Variants in TRIO observed in about 807,000 individuals in gnomAD.
TRIO encodes trio Rho guanine nucleotide exchange factor.
Under a neutral mutation model 351.9 loss-of-function variants are expected in TRIO, and 58 were observed. That is an observed-to-expected ratio of 0.16 (90% confidence interval 0.13 to 0.21). The LOEUF (loss-of-function observed/expected upper bound fraction) is 0.21. Among genes scored for constraint, TRIO ranks in the 10% least tolerant of loss-of-function variants. The pLI, the probability that TRIO is intolerant of heterozygous loss-of-function variation, is 1.00. For synonymous variants in TRIO, 1,758 were observed against 1,595.7 expected, an observed-to-expected ratio of 1.10 and a Z score of -2.42; for missense variants, 3,201 against 4,027.8, an observed-to-expected ratio of 0.79 and a Z score of 5.56.
At chr5:14,357,409 C>T (rs950203164) in intron 11 of TRIO, among the ~76,000 whole-genome samples, 1 of 152,230 alleles carries the variant, frequency 6.6e-6, no homozygotes, top group African/African-American at 2.4e-5. Context: ...CCCCAGAGAT[C>T]TGCAGGAGTT....
At chr5:14,489,667 C>G (rs1171987152) in intron 48 of TRIO, among the ~76,000 whole-genome samples, 1 of 152,234 alleles carries the variant, frequency 6.6e-6, no homozygotes, top group Non-Finnish European at 1.5e-5. Flanking sequence ...AAAATTAACA[C>G]TTCAACTGCT....
intron 19 of TRIO, among the ~76,000 whole-genome samples, chr5:14,375,502 A>C (rs1745476068): frequency 6.6e-6 from 1 of 152,166 alleles, no homozygotes; most frequent in Non-Finnish European, 1.5e-5. Flanking sequence ...CTAATGTTGG[A>C]TGCTGTGAAG....
intron 1 of TRIO, among the ~76,000 whole-genome samples, chr5:14,252,567 T>C (rs927308276): frequency 2.0e-5 from 3 of 152,202 alleles, no homozygotes; most frequent in Non-Finnish European, 4.4e-5. Context: ...TGTTGCTGCT[T>C]CTCATAAAAA....
At chr5:14,271,869 G>A (rs376811840) in intron 2 of TRIO, among the ~76,000 whole-genome samples, 2 of 152,300 alleles carry the variant, frequency 1.3e-5, no homozygotes, top group East Asian at 1.9e-4. Flanking sequence ...TTAAGATGCA[G>A]CTTCCTATGG....
chr5:14,176,697 C>T (rs918122292), intron 1 of TRIO, among the ~76,000 whole-genome samples: 6 of 152,140 alleles, frequency 3.9e-5, no homozygotes, highest in Non-Finnish European at 8.8e-5. Context: ...ACCCACTTGG[C>T]CTCCCAAAGT....
chr5:14,149,957 A>T (rs564598894), intron 1 of TRIO, among the ~76,000 whole-genome samples: 4 of 152,186 alleles, frequency 2.6e-5, no homozygotes, highest in Non-Finnish European at 4.4e-5. Context: ...ATGGACAGGG[A>T]TGAATTGCAG....
rs182423419 is a variant in TRIO at position 14,481,602 on chromosome 5, G to A, written c.6449G>A (p.Arg2150Gln). ...RRCNDMMNVG[R>Q]LQGFDGKIVA... The stretch of plus-strand genomic sequence containing the variant: ...TGCAACGACATGATGAACGTGGGGC[G>A]GCTGCAAGGATTCGACGTAATGCGG... The change falls in exon 45 of 57, where the codon CGG becomes CAG. Residue 2150 changes from arginine (R) to glutamine (Q), a missense_variant. Physicochemically the swap from Arg to Gln is conservative, Grantham distance 43. This residue lies in a region of TRIO where 307 missense variants were observed against 396.5 expected (regional missense o/e 0.77). Coordinates refer to ENST00000344204, the MANE Select transcript of TRIO (RefSeq NM_007118.4). 11 of 1,613,998 alleles carry A rather than the reference G, an allele frequency of 6.8e-6. No homozygotes were observed. The highest frequency in any genetic ancestry group is 2.2e-5 in the East Asian group (1 of 44,876).
At chr5:14,446,198 G>T (rs1406686626) in intron 34 of TRIO, among the ~76,000 whole-genome samples, 9 of 152,064 alleles carry the variant, frequency 5.9e-5, no homozygotes, top group African/African-American at 2.2e-4. Context: ...GGCTTGACAG[G>T]CAGGGAAGAG....
intron 34 of TRIO, among the ~76,000 whole-genome samples, chr5:14,437,152 A>G (rs1751649575): frequency 6.6e-6 from 1 of 152,146 alleles, no homozygotes; most frequent in Admixed American, 6.5e-5. Context: ...GTTCCATCCT[A>G]TTCTAAAAGT....
Position 14,145,121 on chromosome 5 carries a change from G to T in TRIO, c.157+1239G>T, listed in dbSNP as rs75633773. On this transcript the variant is annotated intron_variant, in intron 1 of 56. Coordinates refer to ENST00000344204, the MANE Select transcript of TRIO (RefSeq NM_007118.4). ...GGCCGGGGGAGCGGCCCTGCGCTGG[G>T]GGACGCGCGGGAGGTCGGCGGTTCA... is the stretch of plus-strand genomic sequence containing the variant. 8.4e-3 allele frequency among the ~76,000 whole-genome samples: 1,276 copies of T among 152,268 alleles called. 12 individuals are homozygous for T. Among genetic ancestry groups the T allele is most frequent in the Middle Eastern group, 0.024 (7 of 292 alleles).
chr5:14,228,533 C>A (rs1793191434), intron 1 of TRIO, among the ~76,000 whole-genome samples: 1 of 152,208 alleles, frequency 6.6e-6, no homozygotes, highest in Non-Finnish European at 1.5e-5. Flanking sequence ...AGTAGCCCAT[C>A]TCGTGTTTTG....
At chr5:14,488,476 G>T (rs1756217097) in intron 48 of TRIO, 1 of 631,954 alleles carries the variant, frequency 1.6e-6, no homozygotes, top group Non-Finnish European at 2.6e-6. Context: ...AGAGCAAGCC[G>T]ATCATTAACC....
chr5:14,418,106 A>T (rs1749790066), intron 33 of TRIO, among the ~76,000 whole-genome samples: 1 of 152,162 alleles, frequency 6.6e-6, no homozygotes, highest in African/African-American at 2.4e-5. Flanking sequence ...AGTGCCATGG[A>T]GGACAGGCAC....
At chr5:14,233,503 A>C (rs1172910135) in intron 1 of TRIO, among the ~76,000 whole-genome samples, 1 of 151,818 alleles carries the variant, frequency 6.6e-6, no homozygotes, top group African/African-American at 2.4e-5. Flanking sequence ...AGAAAAAAAA[A>C]GGAATCATGT....
At chr5:14,372,216 G>A (rs1305949250) in intron 18 of TRIO, among the ~76,000 whole-genome samples, 1 of 138,940 alleles carries the variant, frequency 7.2e-6, no homozygotes, top group Admixed American at 7.2e-5. Flanking sequence ...AAGGCGGAGG[G>A]GGGGCGATGG....
intron 56 of TRIO, 143 bp from the exon 57 acceptor site, chr5:14,507,737 T>G: frequency 3.9e-6 from 4 of 1,021,346 alleles, no homozygotes; most frequent in South Asian, 3.4e-5. Context: ...GCCAGCTGAG[T>G]GGTCCGGCCT....
In TRIO at chr5:14,225,793, C is replaced by CCA. The variant is rs932866166; in HGVS notation, c.158-45031_158-45030insAC. 6.7e-4 allele frequency among the ~76,000 whole-genome samples: 12 copies of CCA among 17,966 alleles called. 2 individuals carry two copies. The highest frequency in any genetic ancestry group is 1.7e-3 in the Non-Finnish European group (12 of 6,920). 11.8% of individuals were successfully genotyped at this position (17,966 alleles called of 152,430 possible). A position where few individuals can be genotyped will look rare whatever the true frequency, so the allele number is the denominator to read the frequency against. On this transcript the variant is annotated intron_variant, in intron 1 of 56. Transcript: ENST00000344204. ...TATCCCATCATATTCACTGCTCCCA[C>CCA]CCCCCCCCCCACCTCCAAGCCCAAA...
chr5:14,499,718 T>C (rs1406761581), intron 53 of TRIO, among the ~76,000 whole-genome samples: 1 of 152,136 alleles, frequency 6.6e-6, no homozygotes, highest in Non-Finnish European at 1.5e-5. Context: ...AGGTGATTTT[T>C]TTTTTTTAAT....
rs2070929722 is a variant in TRIO, at chr5:14,266,343, A to G, written c.158-4482A>G. On this transcript the variant is annotated intron_variant, in intron 1 of 56. Coordinates refer to ENST00000344204, the MANE Select transcript of TRIO (RefSeq NM_007118.4). ...TCCCCCTTCATCCATCTTTCTACCC[A>G]GCCAACCCACATCTGATGAATGCCC... Among the ~76,000 whole-genome samples the G allele has an allele frequency of 2.6e-5, 4 of 152,012 alleles. No homozygotes were observed. The South Asian group carries it at 8.3e-4, about 32-fold the overall frequency.
Sources: gnomAD v4.1 joint callset for allele counts (sites outside exome capture counted in the v4.1 genomes callset) on GRCh38, gnomAD v4.1.1 for gene constraint, gnomAD v4.1.1 regional missense constraint, MANE v1.5 for transcripts, NCBI Gene and HGNC (gene_info 2026-07-23, HGNC 2026-07-21) for gene names.